SLC41A3: variants seen among roughly 807,000 people sequenced by gnomAD.
SLC41A3 encodes the protein SLC41A1-like 2.
SLC41A3 carries 44 observed loss-of-function variants against 45.4 expected under a neutral mutation model. That is an observed-to-expected ratio of 0.97 (90% confidence interval 0.76 to 1.25). The LOEUF (loss-of-function observed/expected upper bound fraction) is 1.25, where lower values mean the gene tolerates loss of function less well. Among genes scored for constraint, SLC41A3 ranks in the 50% most tolerant of loss-of-function variants. The pLI is 0.00. For synonymous variants in SLC41A3, 256 were observed against 252.4 expected (o/e 1.01, Z -0.13); for missense variants, 550 against 600.6 (o/e 0.92, Z 0.88).
intron 1 of SLC41A3, chr3:126,101,285 C>T (rs1042746399): frequency 1.3e-5 from 2 of 152,280 alleles, no homozygotes; most frequent in African/African-American, 4.8e-5. Flanking sequence ...GTTCCATGAC[C>T]AACACTTAGT....
intron 3 of SLC41A3, among the ~76,000 whole-genome samples, chr3:126,041,901 A>G (rs1199598322): frequency 1.3e-5 from 2 of 152,140 alleles, no homozygotes; most frequent in Non-Finnish European, 2.9e-5. Context: ...TCCAACCAAG[A>G]AAAAGCCACC....
At chr3:126,095,908 C>T (rs1448504833) in intron 1 of SLC41A3, among the ~76,000 whole-genome samples, 1 of 152,220 alleles carries the variant, frequency 6.6e-6, no homozygotes, top group Middle Eastern at 3.4e-3. Context: ...ACAAGAGTTC[C>T]TATTATCTGG....
At chr3:126,039,888 T>A (rs1359932637) in intron 3 of SLC41A3, among the ~76,000 whole-genome samples, 1 of 152,246 alleles carries the variant, frequency 6.6e-6, no homozygotes, top group East Asian at 1.9e-4. Context: ...CCTAGTTCAG[T>A]GCACTGAGAG....
At chr3:126,096,240 T>G (rs911539601) in intron 1 of SLC41A3, among the ~76,000 whole-genome samples, 1 of 152,372 alleles carries the variant, frequency 6.6e-6, no homozygotes, top group Admixed American at 6.5e-5. Context: ...ATGATTATTA[T>G]GCTTTTAATC....
intron 1 of SLC41A3, chr3:126,073,412 G>C (rs1469160640): frequency 6.6e-6 from 1 of 152,206 alleles, no homozygotes; most frequent in Non-Finnish European, 1.5e-5. Context: ...TCCAGCCTGG[G>C]TGGCAGAACA....
At chr3:126,038,465 G>C (rs1373742419) in intron 3 of SLC41A3, among the ~76,000 whole-genome samples, 2 of 152,242 alleles carry the variant, frequency 1.3e-5, no homozygotes, top group Non-Finnish European at 2.9e-5. Flanking sequence ...AGTGTGCCCT[G>C]AACGCAGGAC....
At chr3:126,046,675 T>G (rs1268951734) in intron 3 of SLC41A3, among the ~76,000 whole-genome samples, 2 of 152,146 alleles carry the variant, frequency 1.3e-5, no homozygotes, top group East Asian at 3.8e-4. Flanking sequence ...AAGATATCAA[T>G]ACTAGGCTGG....
In SLC41A3 at chr3:126,007,200, T is replaced by A. The variant is rs758825677; in HGVS notation, c.1280A>T (p.Glu427Val). ...IQVTILLYLA[E>V]VMVRLTWHQA... Reference sequence around the variant, plus strand: ...GTGCCAAGTCAGCCGAACCATCACTTCTGCGAGGTACAGCAGGATTGTCAC... The same window carrying A: ...GTGCCAAGTCAGCCGAACCATCACTACTGCGAGGTACAGCAGGATTGTCAC... Residue 427 changes from glutamate to valine, a missense_variant, in exon 11 of 11, where the codon GAA becomes GTA. Physicochemically the swap from Glu to Val is moderately radical, Grantham distance 121. Coordinates refer to ENST00000360370, the MANE Select transcript of SLC41A3 (RefSeq NM_017836.4). The A allele has an allele frequency of 6.8e-6, 11 of 1,613,868 alleles. No homozygotes were observed. Among genetic ancestry groups the A allele is most frequent in the Middle Eastern group, 1.6e-4 (1 of 6,080 alleles).
intron 8 of SLC41A3, among the ~76,000 whole-genome samples, chr3:126,014,877 A>G (rs2107665173): frequency 6.6e-6 from 1 of 152,298 alleles, no homozygotes; most frequent in East Asian, 1.9e-4. Flanking sequence ...CATCCACACA[A>G]ACCCCACAGG....
intron 2 of SLC41A3, among the ~76,000 whole-genome samples, chr3:126,062,293 C>T (rs1481819441): frequency 6.6e-6 from 1 of 152,242 alleles, no homozygotes; most frequent in Non-Finnish European, 1.5e-5. Flanking sequence ...TCCAAATCAA[C>T]TGGTACTTTG....
At chr3:126,015,394 G>T in intron 8 of SLC41A3, 100 bp downstream of exon 8, 2 of 1,193,824 alleles carry the variant, frequency 1.7e-6, no homozygotes, top group South Asian at 1.3e-5. Context: ...CTGCCTGTGC[G>T]GGGCTGGTGC....
intron 10 of SLC41A3, 126 bp from the exon 11 acceptor site, chr3:126,007,351 A>G (rs2107625899): frequency 3.0e-6 from 3 of 1,015,884 alleles, no homozygotes; most frequent in Non-Finnish European, 4.3e-6. Flanking sequence ...AGCCTCCTTC[A>G]TCCAGCTTCT....
At chr3:126,018,058 T>G (rs1940484668) in intron 6 of SLC41A3, among the ~76,000 whole-genome samples, 1 of 152,140 alleles carries the variant, frequency 6.6e-6, no homozygotes, top group Non-Finnish European at 1.5e-5. Flanking sequence ...CTCCCCAATA[T>G]GCAATGCCAA....
intron 2 of SLC41A3, among the ~76,000 whole-genome samples, chr3:126,058,618 A>T (rs1399852975): frequency 1.3e-5 from 2 of 151,984 alleles, no homozygotes; most frequent in African/African-American, 4.8e-5. Flanking sequence ...TTGTCCCTCT[A>T]ATCTGTCTCC....
At chr3:126,085,823 G>T (rs575907629), upstream of SLC41A3, among the ~76,000 whole-genome samples, 1 of 17,348 alleles carries the variant, frequency 5.8e-5, no homozygotes, top group South Asian at 1.3e-3. Flanking sequence ...GGGAGTGTCT[G>T]GGGGGGGGTT....
At chr3:126,019,273 A>C (rs1490117823) in intron 6 of SLC41A3, among the ~76,000 whole-genome samples, 2 of 152,170 alleles carry the variant, frequency 1.3e-5, no homozygotes, top group Non-Finnish European at 2.9e-5. Context: ...CCATTAATCT[A>C]TTAATCCATG....
intron 2 of SLC41A3, among the ~76,000 whole-genome samples, chr3:126,054,392 A>C (rs1943528114): frequency 1.3e-5 from 2 of 152,130 alleles, no homozygotes; most frequent in Non-Finnish European, 2.9e-5. Context: ...GTGCTCTCCT[A>C]CGTGTCTATG....
chr3:126,008,425 GAGTGTGTGGTGTGA>G (rs1292142319), intron 10 of SLC41A3, among the ~76,000 whole-genome samples: 4 of 151,344 alleles, frequency 2.6e-5, no homozygotes, highest in South Asian at 2.1e-4. Context: ...CTGTGTTGTG[GAGTGTGTGGTGTGA>G]AGTGTGTGGT....
intron 1 of SLC41A3, among the ~76,000 whole-genome samples, chr3:126,081,381 G>T (rs1196471259): frequency 6.6e-6 from 1 of 152,206 alleles, no homozygotes; most frequent in Non-Finnish European, 1.5e-5. Flanking sequence ...AGGGAGGATG[G>T]TTAATGGCTA....
Sources: gnomAD v4.1 joint callset for allele counts (sites outside exome capture counted in the v4.1 genomes callset) on GRCh38, gnomAD v4.1.1 for gene constraint, MANE v1.5 for transcripts, NCBI Gene and HGNC (gene_info 2026-07-23, HGNC 2026-07-21) for gene names.